Variants in HPGDS observed in about 807,000 individuals in gnomAD.
The protein encoded by HPGDS is hematopoietic prostaglandin D synthase, also known as GST class-sigma.
Under a neutral mutation model 23.1 loss-of-function variants are expected in HPGDS, and 26 were observed. The observed-to-expected ratio is 1.13, with a 90% CI of 0.83 to 1.56. HPGDS has a LOEUF of 1.56. HPGDS is among the 40% of genes most tolerant of loss of function. HPGDS has a pLI of 0.00. For synonymous variants in HPGDS, 95 were observed against 77.9 expected, an observed-to-expected ratio of 1.22 and a Z score of -1.16; for missense variants, 268 against 236.4, an observed-to-expected ratio of 1.13 and a Z score of -0.88.
At chr4:94,312,985 G>T (rs1428129646) in intron 3 of HPGDS, among the ~76,000 whole-genome samples, 3 of 151,544 alleles carry the variant, frequency 2.0e-5, no homozygotes, top group African/African-American at 7.3e-5. Flanking sequence ...TTTTCCATTT[G>T]CTTGGTAGAT....
intron 2 of HPGDS, among the ~76,000 whole-genome samples, chr4:94,324,128 A>G (rs11944923): frequency 0.026 from 4,009 of 152,284 alleles, 126 homozygotes; most frequent in African/African-American, 0.08. Flanking sequence ...CTGAGAGATC[A>G]GCTGTTAGTC....
At chr4:94,319,808 A>T (rs1281772723) in intron 2 of HPGDS, among the ~76,000 whole-genome samples, 1 of 152,160 alleles carries the variant, frequency 6.6e-6, no homozygotes, top group African/African-American at 2.4e-5. Context: ...CATGTGCACA[A>T]TGTGCAGGTT....
At chr4:94,322,245 A>C (rs1219010261) in intron 2 of HPGDS, among the ~76,000 whole-genome samples, 2 of 152,102 alleles carry the variant, frequency 1.3e-5, no homozygotes, top group African/African-American at 4.8e-5. Context: ...TGTCTCTGCC[A>C]GGCTTTGGTA....
chr4:94,309,596 G>T (rs1756218124), intron 3 of HPGDS, among the ~76,000 whole-genome samples: 1 of 152,210 alleles, frequency 6.6e-6, no homozygotes, highest in East Asian at 1.9e-4. Flanking sequence ...ACATACGTGT[G>T]CATGTGTCTT....
chr4:94,325,611 G>A (rs576473251), intron 2 of HPGDS, among the ~76,000 whole-genome samples: 2 of 152,332 alleles, frequency 1.3e-5, no homozygotes, highest in East Asian at 3.9e-4. Flanking sequence ...ATAATCTCCT[G>A]TTGTGCCATT....
chr4:94,324,760 T>C (rs1756595043), intron 2 of HPGDS, among the ~76,000 whole-genome samples: 1 of 152,242 alleles, frequency 6.6e-6, no homozygotes, highest in Non-Finnish European at 1.5e-5. Flanking sequence ...CCTACTTATG[T>C]CAACTCGTCA....
chr4:94,319,400 T>A (rs1461868329), intron 2 of HPGDS, among the ~76,000 whole-genome samples: 1 of 152,184 alleles, frequency 6.6e-6, no homozygotes, highest in Non-Finnish European at 1.5e-5. Context: ...TTAGTCTATG[T>A]GTGTCTTTTC....
At position 94,309,951 on chromosome 4, in the gene HPGDS, T is replaced by A. The variant is rs1183514971; in HGVS notation, c.227-1208A>T. Among the ~76,000 whole-genome samples, 11 of 152,324 alleles carry A rather than the reference T, an allele frequency of 7.2e-5. No individual in the cohort carries two copies. In the East Asian group the frequency reaches 1.9e-3, roughly 27 times the overall value. ...TTCTTTTGAGAAGTGTCTGTTCATA[T>A]CTTTCGCCCACTTGTTAATGGGGTT... On this transcript the variant is annotated intron_variant, in intron 3 of 5. Transcript: ENST00000295256.
chr4:94,340,309 C>CTTTTTTTTT (rs1560597992), intron 1 of HPGDS, among the ~76,000 whole-genome samples: 1 of 28,764 alleles, frequency 3.5e-5, no homozygotes, highest in East Asian at 1.2e-3. Context: ...TTCTTTCTTT[C>CTTTTTTTTT]TCTTTTTTTT....
chr4:94,299,382 G>A lies in HPGDS; in HGVS notation c.*98C>T, dbSNP rs760523852. Reference sequence around the variant, plus strand: ...AAGTGAAAATCTTAGTGGAGCTGGGGAGGGAGCATGTGGATTATCTGGCAG... The same window carrying A: ...AAGTGAAAATCTTAGTGGAGCTGGGAAGGGAGCATGTGGATTATCTGGCAG... On this transcript the variant is annotated 3_prime_UTR_variant, in exon 6 of 6. Transcript: ENST00000295256. 74 of 1,001,114 alleles carry A rather than the reference G, an allele frequency of 7.4e-5. No homozygotes were observed. Among genetic ancestry groups the A allele is most frequent in the Non-Finnish European group, 9.6e-5 (67 of 698,750 alleles). The allele number at this position is 1,001,114 out of a possible 1,614,324, so 62.0% of individuals were successfully genotyped here.
intron 1 of HPGDS, among the ~76,000 whole-genome samples, chr4:94,340,299 TTC>T (rs753875963): frequency 0.11 from 7,976 of 74,908 alleles, 534 homozygotes; most frequent in Non-Finnish European, 0.15. Flanking sequence ...CTTTCTTTCT[TTC>T]TTTCTTTCTC....
At chr4:94,321,447 G>A (rs1277220381) in intron 2 of HPGDS, among the ~76,000 whole-genome samples, 2 of 152,084 alleles carry the variant, frequency 1.3e-5, no homozygotes, top group Non-Finnish European at 2.9e-5. Flanking sequence ...GTTGAGCAGT[G>A]GTTTGTAGTT....
At chr4:94,314,655 G>A (rs1366571993) in intron 3 of HPGDS, among the ~76,000 whole-genome samples, 1 of 152,146 alleles carries the variant, frequency 6.6e-6, no homozygotes, top group Non-Finnish European at 1.5e-5. Context: ...AACCACTATG[G>A]TCTCCCAAGC....
At chr4:94,299,989 C>T (rs1756002837) in intron 5 of HPGDS, among the ~76,000 whole-genome samples, 2 of 152,202 alleles carry the variant, frequency 1.3e-5, no homozygotes, top group South Asian at 4.1e-4. Context: ...ATTTTTCCAT[C>T]TGTTCTAAAA....
Position 94,342,261 on chromosome 4 carries a change from TG to T in HPGDS, c.-10+533del, listed in dbSNP as rs1172299243. Among the ~76,000 whole-genome samples the T allele has an allele frequency of 5.9e-5, 9 of 152,266 alleles. No individual in the cohort carries two copies. The East Asian group carries it at 1.7e-3, about 29-fold the overall frequency. ...GAGCTGTGAGTTGAAATTCCTGGCC[TG>T]GGGTAAATCCCTTAAACCATCTCTG... On this transcript the variant is annotated intron_variant, in intron 1 of 5. Transcript: ENST00000295256.
intron 2 of HPGDS, among the ~76,000 whole-genome samples, chr4:94,324,710 C>T (rs1270098620): frequency 6.6e-6 from 1 of 152,158 alleles, no homozygotes; most frequent in Admixed American, 6.5e-5. Context: ...AAACATCCTC[C>T]TTTAGCTCAG....
At chr4:94,323,583 A>G (rs1371909944) in intron 2 of HPGDS, among the ~76,000 whole-genome samples, 1 of 149,718 alleles carries the variant, frequency 6.7e-6, no homozygotes, top group Non-Finnish European at 1.5e-5. Context: ...TAGGATTGCA[A>G]CCCCTCCTTT....
chr4:94,303,175 G>A (rs1410692150), intron 4 of HPGDS, among the ~76,000 whole-genome samples: 1 of 152,058 alleles, frequency 6.6e-6, no homozygotes. Flanking sequence ...TAGCTAGATG[G>A]TATATACTAC....
chr4:94,317,634 A>G (rs1560589298), intron 3 of HPGDS, among the ~76,000 whole-genome samples: 1 of 152,196 alleles, frequency 6.6e-6, no homozygotes, highest in Non-Finnish European at 1.5e-5. Context: ...AAGGGCTTGG[A>G]GAGCAAACAG....
Sources: gnomAD v4.1 joint callset for allele counts (sites outside exome capture counted in the v4.1 genomes callset) on GRCh38, gnomAD v4.1.1 for gene constraint, MANE v1.5 for transcripts, NCBI Gene and HGNC (gene_info 2026-07-23, HGNC 2026-07-21) for gene names.